Variants in APC observed in about 807,000 individuals in gnomAD.
APC encodes APC regulator of Wnt signaling pathway, also known as adenomatous polyposis coli protein.
Under a neutral mutation model 247.0 loss-of-function variants are expected in APC, and 72 were observed. The ratio of observed to expected loss-of-function variants is 0.29; its 90% CI spans 0.24 to 0.35. APC has a LOEUF of 0.35. Ranked by LOEUF, APC falls within the 10% of genes least tolerant of loss-of-function variation. APC has a pLI of 1.00. For synonymous variants in APC, 1,254 were observed against 1,162.5 expected (o/e 1.08, Z -1.60); for missense variants, 3,400 against 3,360.7 (o/e 1.01, Z -0.29).
chr5:112,714,128 G>T (rs1751024139), intron 1 of APC, among the ~76,000 whole-genome samples: 1 of 152,228 alleles, frequency 6.6e-6, no homozygotes, highest in African/African-American at 2.4e-5. Flanking sequence ...TATGTTATAT[G>T]TAACAACTAT....
At chr5:112,805,037 A>G (rs1240997420) in intron 8 of APC, among the ~76,000 whole-genome samples, 1 of 151,994 alleles carries the variant, frequency 6.6e-6, no homozygotes, top group Non-Finnish European at 1.5e-5. Context: ...GCAAGTAAGT[A>G]TGATCTCATT....
At position 112,819,368 on chromosome 5, in the gene APC, G is replaced by A. The variant is rs548473970; in HGVS notation, c.1312+24G>A. ...AAGTATGTTCTCTATAGTGTACATC[G>A]TAGTGCATGTTTCAAAGCAAATGTG... is the stretch of plus-strand genomic sequence containing the variant. On this transcript the variant is annotated intron_variant, in intron 10 of 15. Coordinates refer to ENST00000257430, the MANE Select transcript of APC (RefSeq NM_000038.6). 12 of 1,613,842 alleles carry A rather than the reference G, an allele frequency of 7.4e-6. No homozygotes were observed. Among genetic ancestry groups the A allele is most frequent in the Admixed American group, 3.3e-5 (2 of 59,994 alleles).
At chr5:112,722,004 A>G (rs1409678746) in intron 1 of APC, among the ~76,000 whole-genome samples, 1 of 152,192 alleles carries the variant, frequency 6.6e-6, no homozygotes, top group South Asian at 2.1e-4. Flanking sequence ...ACCCTTCAGT[A>G]TCCTATTCCT....
rs1046591128 is a variant in APC, at chr5:112,767,173, T to C, written c.221-16T>C. On this transcript the variant is annotated splice_polypyrimidine_tract_variant and intron_variant, in intron 3 of 15. Transcript: ENST00000257430. ...AAAGCAATTGTTGTATAAAAACTTG[T>C]TTCTATTTTATTTAGAGCTTAACTT... 9 of 1,601,816 alleles carry C rather than the reference T, an allele frequency of 5.6e-6. No individual in the cohort carries two copies. In the African/African-American group the frequency reaches 1.1e-4, roughly 19 times the overall value.
chr5:112,762,442 C>T (rs1015424359), intron 2 of APC, among the ~76,000 whole-genome samples: 3 of 151,990 alleles, frequency 2.0e-5, no homozygotes, highest in Admixed American at 1.3e-4. Context: ...CCCAGATGCC[C>T]CTTTAAGAGG....
rs72541809 is a variant in APC, at chr5:112,837,553, G to A, written c.1959G>A (p.Arg653=). 4.2e-3 allele frequency: 6,805 copies of A among 1,610,582 alleles called. 31 individuals are homozygous for A. Among genetic ancestry groups the A allele is most frequent in the Non-Finnish European group, 3.7e-3 (4,405 of 1,177,136 alleles). The change falls in exon 16 of 16, where the codon AGG becomes AGA. Residue 653 remains arginine (R), a splice_region_variant and synonymous_variant. Coordinates refer to ENST00000257430, the MANE Select transcript of APC (RefSeq NM_000038.6). Reference sequence around the variant, plus strand: ...TTGTGATCTCTTGATTTTATTTCAGGCAAATCCTAAGAGAGAACAACTGTC... The same window carrying A: ...TTGTGATCTCTTGATTTTATTTCAGACAAATCCTAAGAGAGAACAACTGTC... ...SSLIATNEDH[R]QILRENNCLQ...
chr5:112,714,590 TA>T (rs1751049407), intron 1 of APC, among the ~76,000 whole-genome samples: 1 of 152,246 alleles, frequency 6.6e-6, no homozygotes, highest in Non-Finnish European at 1.5e-5. Flanking sequence ...TAGCTTATCT[TA>T]ATGGTGGTAA....
chr5:112,744,711 ATAGT>A (rs1201102892), intron 1 of APC, among the ~76,000 whole-genome samples: 1 of 152,178 alleles, frequency 6.6e-6, no homozygotes, highest in Non-Finnish European at 1.5e-5. Flanking sequence ...AAGGTAAGAA[ATAGT>A]TTGTAGAGGA....
chr5:112,727,456 G>A (rs1458304277), intron 1 of APC, among the ~76,000 whole-genome samples: 1 of 152,068 alleles, frequency 6.6e-6, no homozygotes, highest in Non-Finnish European at 1.5e-5. Context: ...TTTGACCCAA[G>A]GCTTTGGTTT....
At chr5:112,772,030 A>T (rs1341441634) in intron 4 of APC, among the ~76,000 whole-genome samples, 5 of 152,210 alleles carry the variant, frequency 3.3e-5, no homozygotes, top group Non-Finnish European at 1.5e-5. Context: ...TGCCCAGTAC[A>T]TACAGCATTC....
chr5:112,711,080 G>A (rs1041255128), intron 1 of APC, among the ~76,000 whole-genome samples: 3 of 152,214 alleles, frequency 2.0e-5, no homozygotes, highest in Non-Finnish European at 4.4e-5. Flanking sequence ...ACCCCAGGCT[G>A]CAGACAGGTA....
intron 14 of APC, among the ~76,000 whole-genome samples, chr5:112,833,475 CT>C (rs1764532084): frequency 6.6e-6 from 1 of 151,990 alleles, no homozygotes; most frequent in Admixed American, 6.6e-5. Flanking sequence ...GCCATTGCGC[CT>C]GGCCGCCTGG....
At position 112,757,353 on chromosome 5, in the gene APC, T is replaced by A. The variant is rs181430180; in HGVS notation, c.135+2328T>A. On this transcript the variant is annotated intron_variant, in intron 2 of 15. Coordinates refer to ENST00000257430, the MANE Select transcript of APC (RefSeq NM_000038.6). ...TAAAATTAATCCACACAATGGTTAT[T>A]TCTCCCAAAATCACTTGCTAGACTT... Among the ~76,000 whole-genome samples, 5 of 152,282 alleles carry A rather than the reference T, an allele frequency of 3.3e-5. No homozygotes were observed. The East Asian group carries it at 9.6e-4, about 29-fold the overall frequency.
chr5:112,827,863 G>A (rs998075841), intron 12 of APC, 66 bp from the exon 13 acceptor site: 3 of 1,335,220 alleles, frequency 2.2e-6, no homozygotes, highest in African/African-American at 1.4e-5. Flanking sequence ...ACATTTAGTA[G>A]CCAAAAATAA....
chr5:112,726,677 C>G (rs563467211), intron 1 of APC, among the ~76,000 whole-genome samples: 39 of 152,174 alleles, frequency 2.6e-4, no homozygotes, highest in Admixed American at 2.0e-3. Context: ...CTCCTCTACC[C>G]AGTATTTCCC....
intron 2 of APC, 116 bp from the exon 3 acceptor site, chr5:112,766,210 G>A (rs1193549983): frequency 3.8e-5 from 27 of 710,268 alleles, no homozygotes; most frequent in South Asian, 6.3e-5. Flanking sequence ...TATAAGGTGC[G>A]TGCTTTGAGA....
At chr5:112,804,592 A>G (rs1036832601) in intron 8 of APC, among the ~76,000 whole-genome samples, 5 of 152,162 alleles carry the variant, frequency 3.3e-5, no homozygotes, top group East Asian at 1.9e-4. Flanking sequence ...GTTGGCCAGG[A>G]TAGTCTCAAT....
rs1580683176 is a variant in APC at position 112,843,081 on chromosome 5, A to G, written c.7487A>G (p.His2496Arg). The change falls in exon 16 of 16, where the codon CAT becomes CGT. Residue 2496 changes from histidine to arginine, a missense_variant. His to Arg is a conservative substitution (Grantham distance 29). Coordinates refer to ENST00000257430, the MANE Select transcript of APC (RefSeq NM_000038.6). The surrounding 1 kb of genome is among the most constrained non-coding windows in gnomAD (Gnocchi z 4.8). Reference protein sequence around the residue: ...PSLPDMSLSTHSSVQAGGWRK... With the variant: ...PSLPDMSLSTRSSVQAGGWRK... The stretch of plus-strand genomic sequence containing the variant: ...CTTCCTGATATGTCTCTATCCACAC[A>G]TTCGTCTGTTCAGGCTGGTGGATGG... The G allele has an allele frequency of 6.2e-7, 1 of 1,613,986 alleles. No homozygotes were observed. The highest frequency in any genetic ancestry group is 1.1e-5 in the South Asian group (1 of 91,084).
At chr5:112,763,542 TC>T (rs1581150112) in intron 2 of APC, among the ~76,000 whole-genome samples, 2 of 152,268 alleles carry the variant, frequency 1.3e-5, no homozygotes, top group East Asian at 3.8e-4. Context: ...TTTTATTATT[TC>T]TTTTTAAAAA....
Sources: gnomAD v4.1 joint callset for allele counts (sites outside exome capture counted in the v4.1 genomes callset) on GRCh38, gnomAD v4.1.1 for gene constraint, Gnocchi (gnomAD v3.1) non-coding constraint, MANE v1.5 for transcripts, NCBI Gene and HGNC (gene_info 2026-07-23, HGNC 2026-07-21) for gene names.